GRID1: variants seen among roughly 807,000 people sequenced by gnomAD.
GRID1 encodes the protein glutamate ionotropic receptor delta type subunit 1.
A neutral mutation model predicts 98.0 loss-of-function variants in GRID1; 28 were observed. The observed-to-expected ratio is 0.29, with a 90% confidence interval of 0.21 to 0.39. GRID1 has a LOEUF of 0.39. Ranked by LOEUF, GRID1 falls within the 10% of genes least tolerant of loss-of-function variation. The pLI is 1.00. For synonymous variants in GRID1, 553 were observed against 538.5 expected, an observed-to-expected ratio of 1.03 and a Z score of -0.37; for missense variants, 1,111 against 1,340.5, an observed-to-expected ratio of 0.83 and a Z score of 2.67.
At chr10:86,072,790 A>G (rs546754698) in intron 4 of GRID1, among the ~76,000 whole-genome samples, 229 of 152,334 alleles carry the variant, frequency 1.5e-3, no homozygotes, top group African/African-American at 5.3e-3. Context: ...CTAGTGTACA[A>G]AAACAAGTGG....
rs569437834 is a variant in GRID1, at chr10:85,825,755, CAT to C, written c.1233+28739_1233+28740del. The stretch of plus-strand genomic sequence containing the variant: ...GGTAAGAGAGAAATGCAATAGAAAA[CAT>C]AATCACAAAAAGAGAATGGAAAAAA... On this transcript the variant is annotated intron_variant, in intron 8 of 15. Coordinates refer to ENST00000327946, the MANE Select transcript of GRID1 (RefSeq NM_017551.3). Among the ~76,000 whole-genome samples the C allele has an allele frequency of 1.6e-3, 241 of 151,902 alleles. 3 individuals carry two copies. In the Middle Eastern group the frequency reaches 0.024, roughly 15 times the overall value.
intron 12 of GRID1, among the ~76,000 whole-genome samples, chr10:85,719,180 T>C (rs1356772720): frequency 6.6e-6 from 1 of 152,198 alleles, no homozygotes; most frequent in African/African-American, 2.4e-5. Flanking sequence ...GCCTGGACCT[T>C]ATTGTTTGTT....
chr10:86,248,944 C>T (rs922651436), intron 2 of GRID1, among the ~76,000 whole-genome samples: 7 of 152,216 alleles, frequency 4.6e-5, no homozygotes, highest in Admixed American at 2.6e-4. Context: ...TTGAGCCGTG[C>T]AGGACCTAGG....
At chr10:85,905,234 A>C (rs570130666) in intron 5 of GRID1, among the ~76,000 whole-genome samples, 1 of 152,244 alleles carries the variant, frequency 6.6e-6, no homozygotes, top group African/African-American at 2.4e-5. Flanking sequence ...ACATTTTTAA[A>C]GTACTGAAAG....
chr10:85,770,129 C>T lies in GRID1; in HGVS notation c.1234-40515G>A, dbSNP rs1188556407. Among the ~76,000 whole-genome samples, 5 of 152,190 alleles carry T rather than the reference C, an allele frequency of 3.3e-5. No individual in the cohort carries two copies. In the East Asian group the frequency reaches 5.8e-4, roughly 18 times the overall value. ...GGCCGGGTACTCCTCTGAAACAAAA[C>T]TTCCAGAGGAACGATCGGACAGCAG... On this transcript the variant is annotated intron_variant, in intron 8 of 15. Coordinates refer to ENST00000327946, the MANE Select transcript of GRID1 (RefSeq NM_017551.3).
chr10:85,641,616 A>G (rs1843119338), intron 13 of GRID1, among the ~76,000 whole-genome samples: 1 of 152,242 alleles, frequency 6.6e-6, no homozygotes, highest in African/African-American at 2.4e-5. Flanking sequence ...TAGCCAAGTC[A>G]CTTAGTTTCT....
chr10:86,144,407 T>C (rs1188006265), intron 3 of GRID1, among the ~76,000 whole-genome samples: 1 of 152,128 alleles, frequency 6.6e-6, no homozygotes, highest in Non-Finnish European at 1.5e-5. Context: ...ACTGTGGAAC[T>C]GCCAGGAAAG....
At chr10:85,880,154 C>T (rs961576726) in intron 5 of GRID1, among the ~76,000 whole-genome samples, 9 of 152,050 alleles carry the variant, frequency 5.9e-5, no homozygotes, top group South Asian at 2.1e-4. Context: ...AAAAAAAGTC[C>T]GGGACCAGAT....
intron 2 of GRID1, among the ~76,000 whole-genome samples, chr10:86,236,693 AG>A (rs1234580608): frequency 6.6e-6 from 1 of 152,220 alleles, no homozygotes; most frequent in East Asian, 1.9e-4. Flanking sequence ...GGGAGCACTG[AG>A]AATGGAGCAC....
chr10:86,275,327 C>T (rs1424128375), intron 2 of GRID1, among the ~76,000 whole-genome samples: 2 of 151,664 alleles, frequency 1.3e-5, no homozygotes, highest in Non-Finnish European at 2.9e-5. Flanking sequence ...AGAGTTAACA[C>T]ATTATAATAT....
At chr10:85,947,113 CA>C (rs1476806493) in intron 4 of GRID1, among the ~76,000 whole-genome samples, 10 of 152,176 alleles carry the variant, frequency 6.6e-5, no homozygotes, top group Non-Finnish European at 1.3e-4. Context: ...GAGAAGGGGA[CA>C]GGGGAAACAC....
chr10:85,927,745 T>C (rs1252806398), intron 4 of GRID1, among the ~76,000 whole-genome samples: 3 of 152,116 alleles, frequency 2.0e-5, no homozygotes, highest in Non-Finnish European at 4.4e-5. Context: ...CAGAATCAGG[T>C]AAATGGAGAT....
intron 12 of GRID1, among the ~76,000 whole-genome samples, chr10:85,706,341 A>C (rs926192007): frequency 6.6e-6 from 1 of 152,358 alleles, no homozygotes; most frequent in Non-Finnish European, 1.5e-5. Flanking sequence ...GAGCCAAATC[A>C]TGAGTGAACT....
intron 2 of GRID1, among the ~76,000 whole-genome samples, chr10:86,326,140 A>G (rs1025840126): frequency 6.6e-6 from 1 of 152,250 alleles, no homozygotes; most frequent in Non-Finnish European, 1.5e-5. Flanking sequence ...TATTAGAAAT[A>G]AAATCAATAA....
At chr10:85,970,407 C>CA (rs149543362) in intron 4 of GRID1, among the ~76,000 whole-genome samples, 4,472 of 151,910 alleles carry the variant, frequency 0.029, 206 homozygotes, top group African/African-American at 0.1. Context: ...AATATCGGCA[C>CA]AAAAAATTTC....
At chr10:86,293,796 C>T (rs905996642) in intron 2 of GRID1, among the ~76,000 whole-genome samples, 11 of 152,178 alleles carry the variant, frequency 7.2e-5, no homozygotes. Context: ...CCACTCATTC[C>T]TCCCACAAAC....
intron 5 of GRID1, among the ~76,000 whole-genome samples, chr10:85,913,772 A>G (rs1474327839): frequency 6.6e-6 from 1 of 152,226 alleles, no homozygotes; most frequent in Middle Eastern, 3.2e-3. Context: ...CCTGGGTGAC[A>G]GAACAAGACT....
At position 86,044,555 on chromosome 10, in the gene GRID1, TC is replaced by T. The variant is rs139244915; in HGVS notation, c.726+94263del. On this transcript the variant is annotated intron_variant, in intron 4 of 15. Coordinates refer to ENST00000327946, the MANE Select transcript of GRID1 (RefSeq NM_017551.3). ...GGGTGAATTATAGCCCACCTGGTTT[TC>T]CCAGGGTCCTGAGACCTCACCTCCC... 2.4e-3 allele frequency among the ~76,000 whole-genome samples: 361 copies of T among 152,316 alleles called. 3 individuals carry two copies. Among genetic ancestry groups the T allele is most frequent in the African/African-American group, 8.4e-3 (351 of 41,564 alleles).
At chr10:85,868,974 G>A (rs766883866) in intron 6 of GRID1, 36 bp downstream of exon 6, 2 of 1,591,184 alleles carry the variant, frequency 1.3e-6, no homozygotes, top group South Asian at 1.1e-5. Flanking sequence ...GAGACTCTTG[G>A]TGGAGGGGAC....
Sources: gnomAD v4.1 joint callset for allele counts (sites outside exome capture counted in the v4.1 genomes callset) on GRCh38, gnomAD v4.1.1 for gene constraint, MANE v1.5 for transcripts, NCBI Gene and HGNC (gene_info 2026-07-23, HGNC 2026-07-21) for gene names.